Variants in FGGY observed in about 807,000 individuals in gnomAD.
The protein encoded by FGGY is FGGY carbohydrate kinase domain-containing protein.
In FGGY, 72 loss-of-function variants were observed where a neutral mutation model predicts 71.3. The observed-to-expected ratio is 1.01, with a 90% confidence interval of 0.84 to 1.23. The LOEUF is 1.23. Among genes scored for constraint, FGGY ranks in the 50% most tolerant of loss-of-function variants. The pLI, the probability that FGGY is intolerant of heterozygous loss-of-function variation, is 0.00. For missense variants in FGGY, 668 were observed against 682.3 expected (o/e 0.98, Z 0.23); for synonymous variants, 251 against 250.3 (o/e 1.00, Z -0.02).
chr1:59,705,060 T>G (rs538453666), intron 14 of FGGY, among the ~76,000 whole-genome samples: 3 of 152,212 alleles, frequency 2.0e-5, no homozygotes, highest in Non-Finnish European at 2.9e-5. Flanking sequence ...AGTACTTTTC[T>G]GTTAATGGCC....
At chr1:59,587,928 T>C (rs915418429) in intron 8 of FGGY, among the ~76,000 whole-genome samples, 96 of 152,124 alleles carry the variant, frequency 6.3e-4, no homozygotes, top group South Asian at 2.1e-4. Context: ...TCACCAGCAA[T>C]GGAACAAAGC....
At chr1:59,490,942 A>G (rs2093811438) in intron 6 of FGGY, among the ~76,000 whole-genome samples, 1 of 151,720 alleles carries the variant, frequency 6.6e-6, no homozygotes. Context: ...GCTTTGTAAT[A>G]TACTTTGAAG....
chr1:59,449,665 G>A (rs538186466), intron 5 of FGGY, among the ~76,000 whole-genome samples: 7 of 151,940 alleles, frequency 4.6e-5, no homozygotes, highest in African/African-American at 1.4e-4. Flanking sequence ...GTTTTGTTTT[G>A]TTTTGTTTTT....
chr1:59,393,562 T>C (rs1055794942), intron 5 of FGGY, among the ~76,000 whole-genome samples: 4 of 152,154 alleles, frequency 2.6e-5, no homozygotes, highest in African/African-American at 7.2e-5. Context: ...TTCTCCTGTT[T>C]ACTCCCTTTC....
At chr1:59,433,105 G>T (rs771520216) in intron 5 of FGGY, among the ~76,000 whole-genome samples, 1 of 152,190 alleles carries the variant, frequency 6.6e-6, no homozygotes, top group Non-Finnish European at 1.5e-5. Flanking sequence ...TGAAATCAGG[G>T]TTTCTTAACC....
At chr1:59,309,936 G>C (rs1025020279) in intron 1 of FGGY, 1 of 147,466 alleles carries the variant, frequency 6.8e-6, no homozygotes, top group African/African-American at 2.5e-5. Flanking sequence ...AGTGGAGATT[G>C]CACTACTGCA....
intron 8 of FGGY, among the ~76,000 whole-genome samples, chr1:59,587,312 C>A (rs1276582877): frequency 2.0e-5 from 3 of 152,054 alleles, no homozygotes; most frequent in Non-Finnish European, 4.4e-5. Context: ...TGGGTGGAGC[C>A]CACCACAGCT....
intron 2 of FGGY, among the ~76,000 whole-genome samples, chr1:59,339,625 T>A (rs2050257003): frequency 1.3e-5 from 2 of 151,874 alleles, no homozygotes; most frequent in African/African-American, 4.8e-5. Context: ...CCACCATGCC[T>A]GGCTAATTTT....
chr1:59,586,443 T>C (rs1314707749), intron 8 of FGGY, among the ~76,000 whole-genome samples: 1 of 151,348 alleles, frequency 6.6e-6, no homozygotes, highest in Non-Finnish European at 1.5e-5. Flanking sequence ...CACTCATAGG[T>C]GGGAATTGAA....
intron 4 of FGGY, among the ~76,000 whole-genome samples, chr1:59,371,027 T>C (rs1432920459): frequency 5.3e-5 from 8 of 151,484 alleles, no homozygotes; most frequent in Non-Finnish European, 1.0e-4. Context: ...GCTAACATCA[T>C]AATGACAGGA....
At chr1:59,715,543 C>CT (rs1215863734) in intron 14 of FGGY, among the ~76,000 whole-genome samples, 4 of 152,188 alleles carry the variant, frequency 2.6e-5, no homozygotes, top group Non-Finnish European at 5.9e-5. Context: ...CTAAAAATGG[C>CT]TGAGAAAACT....
intron 14 of FGGY, among the ~76,000 whole-genome samples, chr1:59,676,054 T>G (rs1199810629): frequency 1.3e-5 from 2 of 152,056 alleles, no homozygotes; most frequent in East Asian, 3.9e-4. Flanking sequence ...ACCCTGACAT[T>G]GCTGGCACCC....
At chr1:59,635,493 C>A (rs2096949376) in intron 10 of FGGY, among the ~76,000 whole-genome samples, 1 of 151,628 alleles carries the variant, frequency 6.6e-6, no homozygotes, top group African/African-American at 2.4e-5. Context: ...AAACCAAATG[C>A]CCTGCTCAGA....
chr1:59,531,308 A>G (rs548403429), intron 7 of FGGY, among the ~76,000 whole-genome samples: 1 of 152,284 alleles, frequency 6.6e-6, no homozygotes. Flanking sequence ...TTTTCCTACT[A>G]TTGAAGTGGT....
intron 5 of FGGY, among the ~76,000 whole-genome samples, chr1:59,410,002 T>A (rs1046754472): frequency 6.6e-6 from 1 of 152,160 alleles, no homozygotes; most frequent in Non-Finnish European, 1.5e-5. Context: ...ACACCAGGAT[T>A]TGAGCCCAGG....
chr1:59,417,906 G>A (rs544938754), intron 5 of FGGY, among the ~76,000 whole-genome samples: 158 of 152,286 alleles, frequency 1.0e-3, no homozygotes, highest in African/African-American at 3.5e-3. Context: ...GTGCTCAGTT[G>A]CTGTGTGTGG....
chr1:59,762,638 T>TCC lies in FGGY; in HGVS notation c.*54_*55insCC. The stretch of plus-strand genomic sequence containing the variant: ...GCTTCTGTGCCATTGCATTAAAGAC[T>TCC]TGTCATTTGATCCATGTTCAAGACC... On this transcript the variant is annotated 3_prime_UTR_variant, in exon 16 of 16. Coordinates refer to ENST00000303721, the MANE Select transcript of FGGY (RefSeq NM_018291.5). The TCC allele has an allele frequency of 7.7e-7, 1 of 1,306,434 alleles. No individual in the cohort carries two copies. Among genetic ancestry groups the TCC allele is most frequent in the Non-Finnish European group, 1.1e-6 (1 of 908,070 alleles). The allele number at this position is 1,306,434 out of a possible 1,614,324, so 80.9% of individuals were successfully genotyped here. A position where few individuals can be genotyped will look rare whatever the true frequency, so the allele number is the denominator to read the frequency against.
At chr1:59,437,916 T>C (rs1045581106) in intron 5 of FGGY, among the ~76,000 whole-genome samples, 3 of 152,220 alleles carry the variant, frequency 2.0e-5, no homozygotes, top group African/African-American at 7.2e-5. Context: ...ACTGAAGTTT[T>C]ACAAGAGACC....
intron 8 of FGGY, among the ~76,000 whole-genome samples, chr1:59,593,840 G>A (rs1044289471): frequency 1.3e-5 from 2 of 152,130 alleles, no homozygotes; most frequent in Non-Finnish European, 2.9e-5. Context: ...AATGTTTGCC[G>A]AAGGGTCATG....
Sources: allele counts gnomAD v4.1 joint callset (sites outside exome capture counted in the v4.1 genomes callset), GRCh38; gene constraint gnomAD v4.1.1; transcripts MANE v1.5; gene names NCBI Gene and HGNC (gene_info 2026-07-23, HGNC 2026-07-21).